Variants in SRRM3 observed in about 807,000 individuals in gnomAD.
SRRM3 encodes serine/arginine repetitive matrix protein 3.
Under a neutral mutation model 66.2 loss-of-function variants are expected in SRRM3, and 27 were observed. The observed-to-expected ratio is 0.41, with a 90% CI of 0.30 to 0.56. The LOEUF is 0.56. Among genes scored for constraint, SRRM3 ranks in the 20% least tolerant of loss-of-function variants. The pLI, the probability that SRRM3 is intolerant of heterozygous loss-of-function variation, is 0.32. For synonymous variants in SRRM3, 391 were observed against 414.9 expected, an observed-to-expected ratio of 0.94 and a Z score of 0.70; for missense variants, 918 against 991.9, an observed-to-expected ratio of 0.93 and a Z score of 1.00.
chr7:76,278,004 G>C (rs542505909), intron 11 of SRRM3, among the ~76,000 whole-genome samples: 1 of 152,204 alleles, frequency 6.6e-6, no homozygotes, highest in East Asian at 1.9e-4. Flanking sequence ...CCAGGGTATA[G>C]GACAGAAACT....
rs2116997301 is a variant in SRRM3, at chr7:76,235,386, G to A, written c.233+87G>A. ...GAGTGATGCTGCACGTGGGCGTGGCGAACGTCGTGGGCGGGGAGAAGGGCG... is the reference window on the plus strand; with the variant it reads ...GAGTGATGCTGCACGTGGGCGTGGCAAACGTCGTGGGCGGGGAGAAGGGCG... On this transcript the variant is annotated intron_variant, in intron 2 of 14. Coordinates refer to ENST00000611745, the MANE Select transcript of SRRM3 (RefSeq NM_001110199.3). 4.3e-6 allele frequency: 5 copies of A among 1,170,478 alleles called. No individual in the cohort carries two copies. In the South Asian group the frequency reaches 6.6e-5, roughly 15 times the overall value. 72.5% of individuals were successfully genotyped at this position (1,170,478 alleles called of 1,614,324 possible).
intron 3 of SRRM3, among the ~76,000 whole-genome samples, chr7:76,253,028 G>A (rs530135110): frequency 6.6e-6 from 1 of 151,910 alleles, no homozygotes; most frequent in African/African-American, 2.4e-5. Context: ...GCCGGGCATG[G>A]TGGGGGGCAC....
chr7:76,282,959 C>G lies in SRRM3; in HGVS notation c.1596-5C>G. On this transcript the variant is annotated splice_polypyrimidine_tract_variant and splice_region_variant and intron_variant, in intron 13 of 14. Coordinates refer to ENST00000611745, the MANE Select transcript of SRRM3 (RefSeq NM_001110199.3). ...TCGCTCACTTACCTCGCGCCGGCCC[C>G]GCAGGGACAAGGACGGCGAGGGCCG... 1 of 1,356,336 alleles carries G rather than the reference C, an allele frequency of 7.4e-7. No individual in the cohort carries two copies. The highest frequency in any genetic ancestry group is 9.4e-7 in the Non-Finnish European group (1 of 1,059,132). 84.0% of individuals were successfully genotyped at this position (1,356,336 alleles called of 1,614,324 possible).
intron 2 of SRRM3, among the ~76,000 whole-genome samples, chr7:76,243,256 C>G (rs1554605810): frequency 6.6e-6 from 1 of 152,174 alleles, no homozygotes; most frequent in Non-Finnish European, 1.5e-5. Flanking sequence ...GATTCAAAAG[C>G]AGGACTGTTG....
intron 2 of SRRM3, among the ~76,000 whole-genome samples, chr7:76,239,890 G>C (rs782817080): frequency 6.6e-6 from 1 of 152,018 alleles, no homozygotes; most frequent in African/African-American, 2.4e-5. Context: ...ATTGCTGGGC[G>C]TGGTGGCTCA....
In SRRM3 at chr7:76,281,576, G is replaced by A. The variant is rs1802508869; in HGVS notation, c.1144G>A (p.Gly382Arg). The change falls in exon 12 of 15, where the codon GGG becomes AGG. Residue 382 changes from glycine (G) to arginine (R), a missense_variant. By Grantham distance (125) the Gly-to-Arg change is moderately radical. Transcript: ENST00000611745. Reference sequence around the variant, plus strand: ...AGGTCGCGGAGGCCGCGCGGCGGGCGGGGCGGGCAGGCGGCGGCGGCGGCG... The same window carrying A: ...AGGTCGCGGAGGCCGCGCGGCGGGCAGGGCGGGCAGGCGGCGGCGGCGGCG... ...SQGRGGRAAGGAGRRRRRRRR... is the reference protein window; with the variant it reads ...SQGRGGRAAGRAGRRRRRRRR... 1 of 988,926 alleles carries A rather than the reference G, an allele frequency of 1.0e-6. No homozygotes were observed. Among genetic ancestry groups the A allele is most frequent in the Non-Finnish European group, 1.2e-6 (1 of 833,724 alleles). The allele number at this position is 988,926 out of a possible 1,614,324, so 61.3% of individuals were successfully genotyped here. A position where few individuals can be genotyped will look rare whatever the true frequency, so the allele number is the denominator to read the frequency against.
chr7:76,237,135 C>T (rs938679682), intron 2 of SRRM3, among the ~76,000 whole-genome samples: 3 of 152,024 alleles, frequency 2.0e-5, no homozygotes, highest in African/African-American at 4.8e-5. Context: ...AGGCCAGGTG[C>T]GGTGGCTCAC....
chr7:76,267,253 C>A lies in SRRM3; in HGVS notation c.831-5C>A. On this transcript the variant is annotated splice_region_variant and splice_polypyrimidine_tract_variant and intron_variant, in intron 10 of 14. Transcript: ENST00000611745. Reference sequence around the variant, plus strand: ...TCCCCCATTCTTCCTGGCGCCTAACCCCAGGCTGAGCCCCAAGCACCGAGA... The same window carrying A: ...TCCCCCATTCTTCCTGGCGCCTAACACCAGGCTGAGCCCCAAGCACCGAGA... 6.5e-7 allele frequency: 1 copy of A among 1,541,288 alleles called. No homozygotes were observed. Among genetic ancestry groups the A allele is most frequent in the South Asian group, 1.2e-5 (1 of 83,806 alleles).
chr7:76,225,220 A>T (rs1318344407), intron 1 of SRRM3, among the ~76,000 whole-genome samples: 2 of 152,322 alleles, frequency 1.3e-5, no homozygotes, highest in Non-Finnish European at 2.9e-5. Context: ...TCTGACTCCA[A>T]GTCCTTGTCC....
chr7:76,222,838 A>G lies in SRRM3; in HGVS notation c.-39-12190A>G, dbSNP rs115218470. Among the ~76,000 whole-genome samples the G allele has an allele frequency of 8.4e-3, 1,270 of 151,672 alleles. 24 individuals carry two copies. Among genetic ancestry groups the G allele is most frequent in the African/African-American group, 0.029 (1,192 of 41,340 alleles). ...GCCAGGCTGACCAGGCTGGTCTCGA[A>G]CTCCTGACCTCCAATGATTCTCCTG... is the stretch of plus-strand genomic sequence containing the variant. On this transcript the variant is annotated intron_variant, in intron 1 of 14. Transcript: ENST00000611745.
chr7:76,264,026 C>G (rs1378616633), intron 8 of SRRM3, among the ~76,000 whole-genome samples: 1 of 151,754 alleles, frequency 6.6e-6, no homozygotes, highest in Non-Finnish European at 1.5e-5. Flanking sequence ...ATTATCAGGC[C>G]ACACCCCAAT....
chr7:76,243,120 G>C (rs536920720), intron 2 of SRRM3, among the ~76,000 whole-genome samples: 1 of 152,102 alleles, frequency 6.6e-6, no homozygotes, highest in African/African-American at 2.4e-5. Context: ...GATTGGGAGG[G>C]GACTAATATC....
chr7:76,222,642 G>A (rs1200916311), intron 1 of SRRM3, among the ~76,000 whole-genome samples: 1 of 151,754 alleles, frequency 6.6e-6, no homozygotes, highest in Non-Finnish European at 1.5e-5. Context: ...AATTTTTTGA[G>A]ATGGAGTCTC....
intron 2 of SRRM3, among the ~76,000 whole-genome samples, chr7:76,243,929 G>A (rs1456410033): frequency 1.3e-5 from 2 of 152,184 alleles, no homozygotes; most frequent in African/African-American, 4.8e-5. Context: ...TTTCTTCCTG[G>A]GTGCCAGGCT....
intron 1 of SRRM3, among the ~76,000 whole-genome samples, chr7:76,205,677 T>C (rs1800284386): frequency 6.6e-6 from 1 of 152,256 alleles, no homozygotes; most frequent in Non-Finnish European, 1.5e-5. Flanking sequence ...GGAAGGCATC[T>C]TCAGTGTCCC....
At chr7:76,220,775 C>T (rs1554603088) in intron 1 of SRRM3, among the ~76,000 whole-genome samples, 1 of 152,208 alleles carries the variant, frequency 6.6e-6, no homozygotes, top group African/African-American at 2.4e-5. Context: ...ACCAGCCCTC[C>T]CACCCCCAGC....
At chr7:76,253,514 G>A (rs1017515589) in intron 3 of SRRM3, among the ~76,000 whole-genome samples, 10 of 151,776 alleles carry the variant, frequency 6.6e-5, no homozygotes, top group African/African-American at 1.2e-4. Context: ...TCCGCTACTC[G>A]GGAAGCTGAG....
chr7:76,220,193 CA>C (rs1326792715), intron 1 of SRRM3, among the ~76,000 whole-genome samples: 1 of 152,216 alleles, frequency 6.6e-6, no homozygotes, highest in Non-Finnish European at 1.5e-5. Flanking sequence ...TGGATTGGCC[CA>C]GTCTCTGCCC....
intron 3 of SRRM3, among the ~76,000 whole-genome samples, chr7:76,255,142 T>C (rs1489571913): frequency 8.9e-6 from 1 of 112,254 alleles, no homozygotes; most frequent in African/African-American, 3.1e-5. Context: ...CTTTCTTTCT[T>C]TCTTTCTTTT....
Sources: allele counts gnomAD v4.1 joint callset (sites outside exome capture counted in the v4.1 genomes callset), GRCh38; gene constraint gnomAD v4.1.1; transcripts MANE v1.5; gene names NCBI Gene and HGNC (gene_info 2026-07-23, HGNC 2026-07-21).